IGFN1: variants seen among roughly 807,000 people sequenced by gnomAD.
IGFN1 encodes the protein immunoglobulin like and fibronectin type III domain containing 1.
IGFN1 carries 253 observed loss-of-function variants against 289.5 expected under a neutral mutation model. The ratio of observed to expected loss-of-function variants is 0.87; its 90% CI spans 0.79 to 0.97. The LOEUF (loss-of-function observed/expected upper bound fraction) is 0.97, where lower values mean the gene tolerates loss of function less well. Among genes scored for constraint, IGFN1 ranks in the 50% least tolerant of loss-of-function variants. The pLI is 0.00. For missense variants in IGFN1, 4,470 were observed against 4,686.1 expected, an observed-to-expected ratio of 0.95 and a Z score of 1.35; for synonymous variants, 1,706 against 1,788.5, an observed-to-expected ratio of 0.95 and a Z score of 1.16.
In IGFN1 at chr1:201,228,633, C is replaced by G; in HGVS notation, c.*234C>G. 1 of 598,710 alleles carries G rather than the reference C, an allele frequency of 1.7e-6. No individual in the cohort carries two copies. The highest frequency in any genetic ancestry group is 2.8e-5 in the East Asian group (1 of 35,460). 37.1% of individuals were successfully genotyped at this position (598,710 alleles called of 1,614,324 possible). A position where few individuals can be genotyped will look rare whatever the true frequency, so the allele number is the denominator to read the frequency against. On this transcript the variant is annotated 3_prime_UTR_variant, in exon 24 of 24. Transcript: ENST00000335211. ...CAAGCTAAGTCACTCAACAGAATGA[C>G]AGCGAACCTCCTGGACCCTCACCAT...
At position 201,194,190 on chromosome 1, in the gene IGFN1, T is replaced by A. The variant is rs1666784097; in HGVS notation, c.44T>A (p.Ile15Asn). ...AAGTCCCACATCCCTGGAGTGAGCA[T>A]CTGGCAGCTGGTGGAGGAGATCCCT... Reference protein sequence around the residue: ...LRKSHIPGVSIWQLVEEIPEG... With the variant: ...LRKSHIPGVSNWQLVEEIPEG... Residue 15 changes from isoleucine (I) to asparagine (N), a missense_variant, in exon 3 of 24, where the codon ATC becomes AAC. By Grantham distance (149) the Ile-to-Asn change is moderately radical. Transcript: ENST00000335211. 2 of 1,551,624 alleles carry A rather than the reference T, an allele frequency of 1.3e-6. No homozygotes were observed. The highest frequency in any genetic ancestry group is 8.7e-7 in the Non-Finnish European group (1 of 1,146,956).
chr1:201,215,312 C>T, intron 14 of IGFN1, among the ~76,000 whole-genome samples, 158 bp downstream of exon 14: 1 of 152,154 alleles, frequency 6.6e-6, no homozygotes, highest in East Asian at 1.9e-4. Flanking sequence ...CGACTCATAC[C>T]CTGCCTATTC....
chr1:201,228,716 G>T lies in IGFN1; in HGVS notation c.*317G>T. ...CAGAGGGCACCTGCCTGCAGGATGG[G>T]CCGGCTCCTTATTTTCCTGGGCTGA... is the stretch of plus-strand genomic sequence containing the variant. On this transcript the variant is annotated 3_prime_UTR_variant, in exon 24 of 24. Coordinates refer to ENST00000335211, the MANE Select transcript of IGFN1 (RefSeq NM_001164586.2). 1 of 411,858 alleles carries T rather than the reference G, an allele frequency of 2.4e-6. No individual in the cohort carries two copies. Among genetic ancestry groups the T allele is most frequent in the Non-Finnish European group, 4.5e-6 (1 of 224,684 alleles). 25.5% of individuals were successfully genotyped at this position (411,858 alleles called of 1,614,324 possible). A position where few individuals can be genotyped will look rare whatever the true frequency, so the allele number is the denominator to read the frequency against.
chr1:201,221,489 A>AC lies in IGFN1; in HGVS notation c.9945dup (p.Thr3316HisfsTer17). On this transcript the variant is annotated frameshift_variant, in exon 19 of 24. Transcript: ENST00000335211. LOFTEE classifies it high-confidence loss of function. ...AATCTCCAAGTCACAGACAGATCGA[A>AC]CACCAGCATCACTCTGAGCTGGGCT... 1 of 1,612,604 alleles carries AC rather than the reference A, an allele frequency of 6.2e-7. No individual in the cohort carries two copies. The highest frequency in any genetic ancestry group is 1.1e-5 in the South Asian group (1 of 90,612).
chr1:201,211,411 T>A lies in IGFN1; in HGVS notation c.6518T>A (p.Met2173Lys). ...GGGAGTTCTGGGGAAATGGGGTCAA[T>A]GGATGAGGCAGGTTATAGGAAGGAT... ...GLGSSGEMGS[M>K]DEAGYRKDLG... Residue 2173 changes from methionine (M) to lysine (K), a missense_variant, in exon 12 of 24, where the codon ATG becomes AAG. By Grantham distance (95) the Met-to-Lys change is moderately conservative (BLOSUM62 -1). Around this residue, in one of 8 missense-constraint regions of IGFN1, gnomAD observed 2,218 missense variants for 2,114.1 expected, o/e 1.05. Transcript: ENST00000335211. 1 of 1,496,954 alleles carries A rather than the reference T, an allele frequency of 6.7e-7. No individual in the cohort carries two copies. Among genetic ancestry groups the A allele is most frequent in the Non-Finnish European group, 8.9e-7 (1 of 1,123,384 alleles). The allele number at this position is 1,496,954 out of a possible 1,614,324, so 92.7% of individuals were successfully genotyped here. A position where few individuals can be genotyped will look rare whatever the true frequency, so the allele number is the denominator to read the frequency against.
chr1:201,208,296 G>T lies in IGFN1; in HGVS notation c.3403G>T (p.Ala1135Ser). ...CTTCAGAGCCTCAGAGGCCCTGGGG[G>T]CCTTTGGAGAAGGAGGCTATGAAGA... ...GGFRASEALGAFGEGGYEDGS... is the reference protein window; with the variant it reads ...GGFRASEALGSFGEGGYEDGS... Residue 1135 changes from alanine to serine, a missense_variant, in exon 12 of 24, where the codon GCC becomes TCC. This residue lies in a region of IGFN1 where 2,011 missense variants were observed against 1,953.4 expected (regional missense o/e 1.03). Coordinates refer to ENST00000335211, the MANE Select transcript of IGFN1 (RefSeq NM_001164586.2). The T allele has an allele frequency of 1.3e-6, 2 of 1,528,802 alleles. No homozygotes were observed. Among genetic ancestry groups the T allele is most frequent in the South Asian group, 1.2e-5 (1 of 83,038 alleles). The allele number at this position is 1,528,802 out of a possible 1,614,324, so 94.7% of individuals were successfully genotyped here. A position where few individuals can be genotyped will look rare whatever the true frequency, so the allele number is the denominator to read the frequency against.
rs562411624 is a variant in IGFN1, at chr1:201,212,755, C to T, written c.7862C>T (p.Thr2621Met). 32 of 1,551,540 alleles carry T rather than the reference C, an allele frequency of 2.1e-5. No homozygotes were observed. In the East Asian group the frequency reaches 2.2e-4, roughly 11 times the overall value. Residue 2621 changes from threonine (T) to methionine (M), a missense_variant, in exon 12 of 24, where the codon ACG (threonine) becomes ATG (methionine). This residue lies in a region of IGFN1 where 2,218 missense variants were observed against 2,114.1 expected (regional missense o/e 1.05). Coordinates refer to ENST00000335211, the MANE Select transcript of IGFN1 (RefSeq NM_001164586.2). ...TCAGGGCCTGCTGATAGACAAGGGA[C>T]GAGCAATGCTTGGGCTCCTGATTGG... ...STSGPADRQG[T>M]SNAWAPDWEN...
In IGFN1 at chr1:201,205,158, C is replaced by T; in HGVS notation, c.993C>T (p.Thr331=). Residue 331 remains threonine (T), a synonymous_variant, in exon 11 of 24, where the codon ACC becomes ACT. Transcript: ENST00000335211. The part of the protein sequence containing the change: ...EEQGDAVFEC[T]LSSPCPSAAW... ...AGGGTGACGCAGTCTTTGAATGTAC[C>T]CTCTCCAGCCCCTGCCCTAGTGCAG... 6.4e-7 allele frequency: 1 copy of T among 1,551,168 alleles called. No homozygotes were observed. The highest frequency in any genetic ancestry group is 2.4e-5 in the East Asian group (1 of 40,916).
At chr1:201,226,157 G>A (rs1238482278) in intron 22 of IGFN1, 34 bp downstream of exon 22, 1 of 1,542,682 alleles carries the variant, frequency 6.5e-7, no homozygotes, top group Admixed American at 1.9e-5. Flanking sequence ...AGCAGGCAGG[G>A]TGGGGGTTGC....
intron 22 of IGFN1, 79 bp from the exon 23 acceptor site, chr1:201,226,803 A>G: frequency 1.8e-6 from 2 of 1,129,458 alleles, no homozygotes; most frequent in South Asian, 1.5e-5. Flanking sequence ...AGCTTCATGA[A>G]CTCTTTACCC....
Position 201,210,906 on chromosome 1 carries a change from C to T in IGFN1, c.6013C>T (p.Pro2005Ser), listed in dbSNP as rs1286184260. The T allele has an allele frequency of 1.4e-5, 21 of 1,482,222 alleles. No homozygotes were observed. The highest frequency in any genetic ancestry group is 1.7e-5 in the Non-Finnish European group (19 of 1,114,132). The allele number at this position is 1,482,222 out of a possible 1,614,324, so 91.8% of individuals were successfully genotyped here. Residue 2005 changes from proline (P) to serine (S), a missense_variant, in exon 12 of 24, where the codon CCT becomes TCT. Coordinates refer to ENST00000335211, the MANE Select transcript of IGFN1 (RefSeq NM_001164586.2). ...AGGTTATAGGAAGGATTTGGGGGCT[C>T]CTGAGGGAATAGGTTCAGGGAGTAA... ...EAGYRKDLGA[P>S]EGIGSGSKAG...
At position 201,206,992 on chromosome 1, in the gene IGFN1, GTAGA is replaced by G. The variant is rs1183456076; in HGVS notation, c.2100_2103del (p.Arg701MetfsTer17). ...CCTGAATCCTGGGGTTCTCAGGGAG[GTAGA>G]GATGCTGACTATGGGGAAGCCAGGG... On this transcript the variant is annotated frameshift_variant, in exon 12 of 24. Transcript: ENST00000335211. LOFTEE classifies it high-confidence loss of function. The G allele has an allele frequency of 3.3e-6, 5 of 1,536,330 alleles. No homozygotes were observed. In the Admixed American group the frequency reaches 9.8e-5, roughly 30 times the overall value.
At position 201,191,851 on chromosome 1, in the gene IGFN1, G is replaced by C. The variant is rs375340647; in HGVS notation, c.-48+944G>C. ...CCAATAGCTGAGTAACAGGATGATAGCTGCTCGTGGTGATGATGTGGGTGA... is the reference window on the plus strand; with the variant it reads ...CCAATAGCTGAGTAACAGGATGATACCTGCTCGTGGTGATGATGTGGGTGA... On this transcript the variant is annotated intron_variant, in intron 1 of 23. Coordinates refer to ENST00000335211, the MANE Select transcript of IGFN1 (RefSeq NM_001164586.2). 2.6e-5 allele frequency among the ~76,000 whole-genome samples: 4 copies of C among 152,172 alleles called. No homozygotes were observed. The East Asian group carries it at 5.8e-4, about 22-fold the overall frequency.
At chr1:201,216,000 T>TCTTCCTAAGC in intron 15 of IGFN1, 162 bp downstream of exon 15, 1 of 790,784 alleles carries the variant, frequency 1.3e-6, no homozygotes, top group Non-Finnish European at 2.2e-6. Flanking sequence ...TCAGACTGCT[T>TCTTCCTAAGC]AGGAAGAAGC....
Position 201,208,976 on chromosome 1 carries a change from C to T in IGFN1, c.4083C>T (p.Ser1361=), listed in dbSNP as rs769581428. 61 of 1,526,532 alleles carry T rather than the reference C, an allele frequency of 4.0e-5. No homozygotes were observed. In the South Asian group the frequency reaches 5.1e-4, roughly 13 times the overall value. The allele number at this position is 1,526,532 out of a possible 1,614,324, so 94.6% of individuals were successfully genotyped here. Residue 1361 remains serine, a synonymous_variant, in exon 12 of 24, where the codon AGC becomes AGT. Transcript: ENST00000335211. ...EAGSGSKADY[S]GGLKGSREIG... is the part of the protein sequence containing the mutation. ...GTTCAGGGAGCAAGGCAGATTATAG[C>T]GGTGGTTTAAAGGGTTCCAGGGAAA...
chr1:201,196,064 A>G, intron 4 of IGFN1, 86 bp downstream of exon 4: 1 of 1,337,376 alleles, frequency 7.5e-7, no homozygotes, highest in Admixed American at 2.3e-5. Flanking sequence ...TCCAATCCCT[A>G]GAGGAGTAAG....
intron 3 of IGFN1, 37 bp from the exon 4 acceptor site, chr1:201,195,802 A>G (rs4915219): frequency 0.055 from 84,404 of 1,539,680 alleles, 3,050 homozygotes; most frequent in Middle Eastern, 0.12. Flanking sequence ...CCCTCTCCCA[A>G]CTTGTCAGTC....
At chr1:201,227,473 G>A (rs1337255771) in intron 23 of IGFN1, among the ~76,000 whole-genome samples, 2 of 151,048 alleles carry the variant, frequency 1.3e-5, no homozygotes, top group Non-Finnish European at 2.9e-5. Flanking sequence ...TGTTGCCCAG[G>A]TTGGAGTGCA....
At chr1:201,197,394 T>C in intron 5 of IGFN1, 77 bp downstream of exon 5, 3 of 855,296 alleles carry the variant, frequency 3.5e-6, no homozygotes, top group East Asian at 2.8e-5. Flanking sequence ...CCGTGGCTAG[T>C]GAGGGAGGGG....
Sources: gnomAD v4.1 joint callset for allele counts (sites outside exome capture counted in the v4.1 genomes callset) on GRCh38, gnomAD v4.1.1 for gene constraint, gnomAD v4.1.1 regional missense constraint, MANE v1.5 for transcripts, NCBI Gene and HGNC (gene_info 2026-07-23, HGNC 2026-07-21) for gene names.